GNAT3: variants seen among roughly 807,000 people sequenced by gnomAD.
GNAT3 encodes the protein G protein subunit alpha transducin 3.
A neutral mutation model predicts 37.7 loss-of-function variants in GNAT3; 31 were observed. The observed-to-expected ratio is 0.82, with a 90% CI of 0.62 to 1.11. The LOEUF (loss-of-function observed/expected upper bound fraction) is 1.11, where lower values mean the gene tolerates loss of function less well. Ranked by LOEUF, GNAT3 falls within the 50% of genes most tolerant of loss-of-function variation. The probability of loss-of-function intolerance (pLI) is 0.00; values close to 1 mark genes in which losing one functional copy is unlikely to be tolerated. For synonymous variants in GNAT3, 138 were observed against 139.8 expected (o/e 0.99, Z 0.09); for missense variants, 437 against 412.5 (o/e 1.06, Z -0.51).
At chr7:80,465,488 T>C in intron 5 of GNAT3, among the ~76,000 whole-genome samples, 1 of 152,150 alleles carries the variant, frequency 6.6e-6, no homozygotes, top group East Asian at 1.9e-4. Context: ...GCCTAAGAAT[T>C]ATTATTTCAG....
At chr7:80,495,248 G>A (rs764027538) in intron 1 of GNAT3, among the ~76,000 whole-genome samples, 4 of 152,120 alleles carry the variant, frequency 2.6e-5, no homozygotes, top group African/African-American at 9.7e-5. Flanking sequence ...TACATATGCT[G>A]TAGTGGGATG....
chr7:80,497,595 T>C (rs527842980), intron 1 of GNAT3, among the ~76,000 whole-genome samples: 65 of 138,668 alleles, frequency 4.7e-4, no homozygotes, highest in Admixed American at 1.3e-3. Flanking sequence ...TACATATACG[T>C]ATATACATAT....
At chr7:80,494,459 A>G (rs1025880545) in intron 2 of GNAT3, 146 bp downstream of exon 2, 1 of 544,978 alleles carries the variant, frequency 1.8e-6, no homozygotes, top group Admixed American at 3.6e-5. Flanking sequence ...GATACAAGGT[A>G]TATTTGCACA....
chr7:80,463,551 C>T (rs538377838), intron 5 of GNAT3, among the ~76,000 whole-genome samples: 5 of 151,908 alleles, frequency 3.3e-5, no homozygotes, highest in East Asian at 3.9e-4. Flanking sequence ...CCTCCTGGAG[C>T]GTCCATTTAA....
intron 5 of GNAT3, among the ~76,000 whole-genome samples, chr7:80,465,942 G>A (rs991392660): frequency 6.6e-6 from 1 of 152,056 alleles, no homozygotes; most frequent in Non-Finnish European, 1.5e-5. Flanking sequence ...TGGATTTGGG[G>A]GACCTGAGGG....
At chr7:80,510,779 G>T (rs1049720384) in intron 1 of GNAT3, among the ~76,000 whole-genome samples, 17 of 152,082 alleles carry the variant, frequency 1.1e-4, no homozygotes, top group African/African-American at 3.6e-4. Context: ...TCTTGCCACT[G>T]GGAGCAAATT....
chr7:80,489,532 G>A (rs919084301), intron 2 of GNAT3, among the ~76,000 whole-genome samples: 6 of 151,990 alleles, frequency 3.9e-5, no homozygotes, highest in African/African-American at 1.2e-4. Flanking sequence ...AGCATGGGGG[G>A]AAAAGAGCAT....
intron 2 of GNAT3, among the ~76,000 whole-genome samples, chr7:80,489,846 A>T (rs1790558351): frequency 1.3e-5 from 2 of 152,164 alleles, no homozygotes; most frequent in Admixed American, 1.3e-4. Context: ...TTGAACTTGG[A>T]AAATTATTAT....
chr7:80,482,514 T>C (rs1790408194), intron 3 of GNAT3, among the ~76,000 whole-genome samples: 1 of 151,804 alleles, frequency 6.6e-6, no homozygotes, highest in African/African-American at 2.4e-5. Context: ...TTTTTGTTTG[T>C]TTGTTTGTTT....
intron 3 of GNAT3, chr7:80,487,821 T>G (rs879922461): frequency 1.3e-5 from 2 of 152,178 alleles, no homozygotes; most frequent in Non-Finnish European, 2.9e-5. Context: ...TACTCTTTTT[T>G]TTGGGTGGGG....
intron 1 of GNAT3, among the ~76,000 whole-genome samples, chr7:80,502,706 T>TAA (rs562587200): frequency 7.0e-6 from 1 of 143,082 alleles, no homozygotes; most frequent in African/African-American, 2.6e-5. Context: ...TTGGTCCTGC[T>TAA]AAAAAAAAAA....
chr7:80,491,878 A>G (rs1473804629), intron 2 of GNAT3, among the ~76,000 whole-genome samples: 1 of 152,192 alleles, frequency 6.6e-6, no homozygotes, highest in Non-Finnish European at 1.5e-5. Context: ...TTTAAATAAT[A>G]AAAGAAGTGC....
intron 1 of GNAT3, among the ~76,000 whole-genome samples, chr7:80,502,007 C>T (rs1790842254): frequency 6.6e-6 from 1 of 151,874 alleles, no homozygotes; most frequent in Admixed American, 6.6e-5. Context: ...TTCCAACTTT[C>T]CATTTTATAC....
chr7:80,501,335 T>A (rs1379113172), intron 1 of GNAT3, among the ~76,000 whole-genome samples: 2 of 152,074 alleles, frequency 1.3e-5, no homozygotes, highest in Admixed American at 1.3e-4. Context: ...TACATTTACA[T>A]ATACATATAT....
intron 3 of GNAT3, 93 bp from the exon 4 acceptor site, chr7:80,479,091 T>C: frequency 3.3e-6 from 3 of 900,368 alleles, no homozygotes; most frequent in Non-Finnish European, 4.9e-6. Context: ...AATTTTAATC[T>C]TATTCTTTTA....
chr7:80,497,650 GTATATACA>G (rs1172314269), intron 1 of GNAT3, among the ~76,000 whole-genome samples: 1 of 107,542 alleles, frequency 9.3e-6, no homozygotes, highest in African/African-American at 4.9e-5. Flanking sequence ...ATACATATAC[GTATATACA>G]TATACGTATA....
intron 2 of GNAT3, among the ~76,000 whole-genome samples, chr7:80,489,572 T>G (rs571305642): frequency 3.9e-5 from 6 of 152,138 alleles, no homozygotes; most frequent in Non-Finnish European, 5.9e-5. Context: ...TTGAAGATAT[T>G]AGAAGCTTCC....
At chr7:80,461,730 T>G (rs943157325) in intron 7 of GNAT3, among the ~76,000 whole-genome samples, 4 of 152,202 alleles carry the variant, frequency 2.6e-5, no homozygotes, top group Admixed American at 1.3e-4. Context: ...TCATTATTCA[T>G]TCTCAAATTC....
chr7:80,481,679 C>A (rs1790394552), intron 3 of GNAT3, among the ~76,000 whole-genome samples: 1 of 151,976 alleles, frequency 6.6e-6, no homozygotes. Flanking sequence ...CTTTTCTGAT[C>A]CTGGTGAGAT....
Sources: gnomAD v4.1 joint callset for allele counts (sites outside exome capture counted in the v4.1 genomes callset) on GRCh38, gnomAD v4.1.1 for gene constraint, MANE v1.5 for transcripts, NCBI Gene and HGNC (gene_info 2026-07-23, HGNC 2026-07-21) for gene names.